The following TCOF1 variants were observed in gnomAD, a reference collection of about 807,000 sequenced individuals.
TCOF1 encodes treacle protein.
In TCOF1, 33 loss-of-function variants were observed where a neutral mutation model predicts 149.0. The ratio of observed to expected loss-of-function variants is 0.22; its 90% CI spans 0.17 to 0.30. The LOEUF is 0.30. Among genes scored for constraint, TCOF1 ranks in the 10% least tolerant of loss-of-function variants. The pLI, the probability that TCOF1 is intolerant of heterozygous loss-of-function variation, is 1.00. For missense variants in TCOF1, 1,728 were observed against 1,840.7 expected (o/e 0.94, Z 1.12); for synonymous variants, 789 against 738.8 (o/e 1.07, Z -1.10).
chr5:150,374,472 G>A, intron 8 of TCOF1, 86 bp downstream of exon 8: 2 of 1,549,402 alleles, frequency 1.3e-6, no homozygotes, highest in Admixed American at 3.9e-5. Flanking sequence ...CTGGGCCAGA[G>A]CCCCGGGCGT....
chr5:150,396,781 G>A lies in TCOF1; in HGVS notation c.4284G>A (p.Thr1428=), dbSNP rs148889187. Residue 1428 remains threonine (T), a synonymous_variant, in exon 24 of 27, where the codon ACG becomes ACA. Transcript: ENST00000643257. ...PEEELQKGMG[T]VEGGDQSNPK... ...AGGAGCTTCAGAAGGGGATGGGGAC[G>A]GTTGAAGGTGGAGATCAAAGCAACC... 25 of 1,611,252 alleles carry A rather than the reference G, an allele frequency of 1.6e-5. No individual in the cohort carries two copies. Among genetic ancestry groups the A allele is most frequent in the Middle Eastern group, 3.3e-4 (2 of 6,054 alleles).
intron 14 of TCOF1, among the ~76,000 whole-genome samples, chr5:150,378,214 G>A (rs899879994): frequency 1.8e-4 from 28 of 152,172 alleles, no homozygotes; most frequent in South Asian, 4.1e-4. Flanking sequence ...AGTGAGGCAG[G>A]GGCCTTGAGA....
chr5:150,359,346 C>G (rs1207934068), intron 1 of TCOF1, among the ~76,000 whole-genome samples: 1 of 110,494 alleles, frequency 9.1e-6, no homozygotes, highest in South Asian at 3.5e-4. Flanking sequence ...GACTCCATCT[C>G]AAAAAAAAAA....
intron 17 of TCOF1, chr5:150,384,828 T>C (rs1348367057): frequency 2.2e-5 from 22 of 985,380 alleles, no homozygotes; most frequent in Non-Finnish European, 2.5e-5. Flanking sequence ...ATTATTTTCA[T>C]TATTGTACAT....
intron 17 of TCOF1, among the ~76,000 whole-genome samples, chr5:150,383,500 C>T (rs1284398235): frequency 6.6e-6 from 1 of 152,238 alleles, no homozygotes; most frequent in Non-Finnish European, 1.5e-5. Context: ...AGTACTGGCA[C>T]CTCTCTCCTG....
At chr5:150,379,082 G>A in intron 15 of TCOF1, 40 bp downstream of exon 15, 1 of 1,613,820 alleles carries the variant, frequency 6.2e-7, no homozygotes, top group South Asian at 1.1e-5. Flanking sequence ...TGGAGGGTTG[G>A]GGTAGAGAGG....
In TCOF1 at chr5:150,391,589, C is replaced by A; in HGVS notation, c.3229C>A (p.Leu1077Met). The change falls in exon 20 of 27, where the codon CTG (leucine) becomes ATG (methionine). Residue 1077 changes from leucine to methionine, a missense_variant. Leu to Met is a conservative substitution (Grantham distance 15). Transcript: ENST00000643257. ...TTCCCTCCCACTGACCCAGGCTGCC[C>A]TGAAGGTCCTCGCCCAGAAAGCCAG... ...PASLPLTQAA[L>M]KVLAQKASEA... The A allele has an allele frequency of 6.2e-7, 1 of 1,614,152 alleles. No homozygotes were observed. The highest frequency in any genetic ancestry group is 8.5e-7 in the Non-Finnish European group (1 of 1,180,028).
chr5:150,365,442 G>A (rs1424576423), intron 3 of TCOF1, among the ~76,000 whole-genome samples: 2 of 151,978 alleles, frequency 1.3e-5, no homozygotes, highest in Non-Finnish European at 2.9e-5. Flanking sequence ...TTGAACTGTA[G>A]AAGAGCATAT....
intron 2 of TCOF1, among the ~76,000 whole-genome samples, chr5:150,363,341 G>A (rs1350338001): frequency 6.6e-6 from 1 of 152,198 alleles, no homozygotes; most frequent in Non-Finnish European, 1.5e-5. Flanking sequence ...CCATGACAGA[G>A]CAGAGTCCAT....
intron 14 of TCOF1, among the ~76,000 whole-genome samples, chr5:150,377,947 G>T (rs146864298): frequency 6.6e-6 from 1 of 152,170 alleles, no homozygotes; most frequent in Non-Finnish European, 1.5e-5. Flanking sequence ...AACATATTTT[G>T]TATGATTTAA....
chr5:150,394,445 G>A (rs1425084341), intron 23 of TCOF1: 1 of 152,330 alleles, frequency 6.6e-6, no homozygotes, highest in Non-Finnish European at 1.5e-5. Context: ...CATGGCACAT[G>A]TAGAAAATAG....
chr5:150,397,934 A>AT (rs34514150), intron 24 of TCOF1, among the ~76,000 whole-genome samples: 10 of 151,874 alleles, frequency 6.6e-5, no homozygotes, highest in South Asian at 6.2e-4. Context: ...TTTTATTTTT[A>AT]TTTTTTGAGA....
At position 150,366,905 on chromosome 5, in the gene TCOF1, C is replaced by T. The variant is rs2150519426; in HGVS notation, c.305-939C>T. Among the ~76,000 whole-genome samples the T allele has an allele frequency of 1.3e-4, 2 of 15,846 alleles. 1 individual carries two copies. The highest frequency in any genetic ancestry group is 0.071 in the Middle Eastern group (2 of 28). 10.4% of individuals were successfully genotyped at this position (15,846 alleles called of 152,430 possible). On this transcript the variant is annotated intron_variant, in intron 3 of 26. Coordinates refer to ENST00000643257, the MANE Select transcript of TCOF1 (RefSeq NM_001371623.1). ...TCCTGACCTCATGATCCACCCGCCT[C>T]GGCCTCCCAAAGTGCTGGGATTACA...
intron 6 of TCOF1, among the ~76,000 whole-genome samples, chr5:150,370,360 A>G (rs1227341631): frequency 6.6e-6 from 1 of 152,142 alleles, no homozygotes; most frequent in African/African-American, 2.4e-5. Context: ...CTTTTAAAGA[A>G]CATTGATCTT....
intron 8 of TCOF1, 109 bp from the exon 9 acceptor site, chr5:150,374,508 C>CCTCT (rs1479603055): frequency 4.0e-5 from 63 of 1,571,892 alleles, no homozygotes; most frequent in Non-Finnish European, 5.5e-5. Flanking sequence ...CCCTTACTCC[C>CCTCT]CTCTCACTGT....
intron 18 of TCOF1, among the ~76,000 whole-genome samples, chr5:150,389,096 T>C (rs1766869264): frequency 2.0e-5 from 3 of 152,232 alleles, no homozygotes; most frequent in Admixed American, 1.3e-4. Context: ...CCTACCTACA[T>C]ACATATGTAC....
At chr5:150,375,995 GAGCA>G in intron 12 of TCOF1, 83 bp from the exon 13 acceptor site, 1 of 1,613,776 alleles carries the variant, frequency 6.2e-7, no homozygotes, top group Non-Finnish European at 8.5e-7. Flanking sequence ...CCCTCAGGCA[GAGCA>G]TGGGTTTTGG....
At chr5:150,396,871 CA>C in intron 24 of TCOF1, 29 bp downstream of exon 24, 1 of 1,569,280 alleles carries the variant, frequency 6.4e-7, no homozygotes, top group Non-Finnish European at 8.6e-7. Flanking sequence ...CAGCCCACCC[CA>C]AGGGCTGCTG....
intron 17 of TCOF1, 127 bp downstream of exon 17, chr5:150,379,859 G>A (rs901556197): frequency 8.2e-7 from 1 of 1,212,408 alleles, no homozygotes; most frequent in African/African-American, 1.5e-5. Flanking sequence ...ATCACTTGAG[G>A]TCAGGGGTTC....
Sources: allele counts gnomAD v4.1 joint callset (sites outside exome capture counted in the v4.1 genomes callset), GRCh38; gene constraint gnomAD v4.1.1; transcripts MANE v1.5; gene names NCBI Gene and HGNC (gene_info 2026-07-23, HGNC 2026-07-21).